The following ATAD3A variants were observed in gnomAD, a reference collection of about 807,000 sequenced individuals.
ATAD3A encodes the protein ATPase family AAA domain-containing protein 3A.
Under a neutral mutation model 73.8 loss-of-function variants are expected in ATAD3A, and 46 were observed. The observed-to-expected ratio is 0.62, with a 90% CI of 0.49 to 0.80. The LOEUF is 0.80. Among genes scored for constraint, ATAD3A ranks in the 30% least tolerant of loss-of-function variants. ATAD3A has a pLI of 0.00. For missense variants in ATAD3A, 705 were observed against 838.0 expected, an observed-to-expected ratio of 0.84 and a Z score of 1.96; for synonymous variants, 319 against 350.0, an observed-to-expected ratio of 0.91 and a Z score of 0.99.
intron 1 of ATAD3A, 121 bp downstream of exon 1, chr1:1,512,594 C>T: frequency 7.1e-7 from 1 of 1,406,468 alleles, no homozygotes; most frequent in Non-Finnish European, 9.4e-7. Flanking sequence ...AGACTGCGCC[C>T]CCGGAGCACC....
At chr1:1,525,573 C>T (rs1026690966) in intron 12 of ATAD3A, among the ~76,000 whole-genome samples, 29 of 152,084 alleles carry the variant, frequency 1.9e-4, no homozygotes, top group African/African-American at 6.8e-4. Context: ...CGCCACCACA[C>T]CTGGCTAATT....
chr1:1,530,697 C>T (rs1193098098), intron 15 of ATAD3A, among the ~76,000 whole-genome samples: 2 of 122,298 alleles, frequency 1.6e-5, no homozygotes, highest in South Asian at 2.7e-4. Flanking sequence ...GGCGTAGTGG[C>T]GGGCGCCTGT....
At chr1:1,528,387 G>T (rs560760849) in intron 14 of ATAD3A, among the ~76,000 whole-genome samples, 1 of 147,348 alleles carries the variant, frequency 6.8e-6, no homozygotes, top group South Asian at 2.1e-4. Context: ...GTCGGGATTC[G>T]AAGGAGTCTC....
rs1327039117 is a variant in ATAD3A at position 1,517,284 on chromosome 1, C to G, written c.283-27C>G. 1.9e-6 allele frequency: 3 copies of G among 1,547,412 alleles called. No individual in the cohort carries two copies. The highest frequency in any genetic ancestry group is 2.6e-6 in the Non-Finnish European group (3 of 1,146,790). On this transcript the variant is annotated intron_variant, in intron 2 of 15. Coordinates refer to ENST00000378756, the MANE Select transcript of ATAD3A (RefSeq NM_001170535.3). ...AGGCAGTGCCAGCCCTGAGCAAGTG[C>G]CAGCTGGTGAGTGCTGTGCTCTGCA... is the stretch of plus-strand genomic sequence containing the variant.
rs371557329 is a variant in ATAD3A at position 1,529,229 on chromosome 1, G to A, written c.1512G>A (p.Leu504=). ...TTGGGAACTCCTTCCCCAGGCGCCT[G>A]AAGCTGGCCCAGTTTGACTACGGGA... ...LKPATEGKQR[L]KLAQFDYGRK... Residue 504 remains leucine, a synonymous_variant, in exon 15 of 16, where the codon CTG becomes CTA. Coordinates refer to ENST00000378756, the MANE Select transcript of ATAD3A (RefSeq NM_001170535.3). 36 of 1,608,562 alleles carry A rather than the reference G, an allele frequency of 2.2e-5. No homozygotes were observed. In the African/African-American group the frequency reaches 4.5e-4, roughly 20 times the overall value.
chr1:1,518,140 C>T lies in ATAD3A; in HGVS notation c.444+365C>T, dbSNP rs1484709265. Among the ~76,000 whole-genome samples, 10 of 150,758 alleles carry T rather than the reference C, an allele frequency of 6.6e-5. No individual in the cohort carries two copies. The South Asian group carries it at 8.4e-4, about 13-fold the overall frequency. On this transcript the variant is annotated intron_variant, in intron 4 of 15. Coordinates refer to ENST00000378756, the MANE Select transcript of ATAD3A (RefSeq NM_001170535.3). ...ACACAGAGGCCTGCACTCACACACC[C>T]GCAAACATACCCCCACACAACACGG...
At chr1:1,532,535 T>A (rs2767466) in intron 15 of ATAD3A, among the ~76,000 whole-genome samples, 1 of 152,222 alleles carries the variant, frequency 6.6e-6, no homozygotes, top group Admixed American at 6.5e-5. Context: ...TGGACCCACC[T>A]GTGACTGGGT....
At position 1,520,734 on chromosome 1, in the gene ATAD3A, G is replaced by A. The variant is rs1162402192; in HGVS notation, c.750+117G>A. The A allele has an allele frequency of 6.6e-7, 1 of 1,513,152 alleles. No individual in the cohort carries two copies. The highest frequency in any genetic ancestry group is 9.0e-7 in the Non-Finnish European group (1 of 1,109,208). 93.7% of individuals were successfully genotyped at this position (1,513,152 alleles called of 1,614,324 possible). On this transcript the variant is annotated intron_variant, in intron 7 of 15. Coordinates refer to ENST00000378756, the MANE Select transcript of ATAD3A (RefSeq NM_001170535.3). The surrounding 1 kb of genome is among the most constrained non-coding windows in gnomAD (Gnocchi z 4.0). Reference sequence around the variant, plus strand: ...GCACAGCCCTGTAGCTCTCCCAGCAGGGAGGAAGCCCACGTTGTACCTGCT... The same window carrying A: ...GCACAGCCCTGTAGCTCTCCCAGCAAGGAGGAAGCCCACGTTGTACCTGCT...
chr1:1,513,425 C>G lies in ATAD3A; in HGVS notation c.205+952C>G, dbSNP rs1641260901. Among the ~76,000 whole-genome samples, 4 of 151,300 alleles carry G rather than the reference C, an allele frequency of 2.6e-5. No homozygotes were observed. In the South Asian group the frequency reaches 8.4e-4, roughly 32 times the overall value. On this transcript the variant is annotated intron_variant, in intron 1 of 15. Coordinates refer to ENST00000378756, the MANE Select transcript of ATAD3A (RefSeq NM_001170535.3). ...AGCCTCAGGCCGCCTCCCCATAGTG[C>G]AGACCTGTGCCTCTGAGTTGCTCCA...
At chr1:1,516,749 A>T (rs1570321463) in intron 2 of ATAD3A, among the ~76,000 whole-genome samples, 8 of 151,336 alleles carry the variant, frequency 5.3e-5, no homozygotes, top group Admixed American at 5.3e-4. Flanking sequence ...ACAGAGTCTT[A>T]GTCTGTCTTC....
chr1:1,529,474 C>T, intron 15 of ATAD3A, 143 bp downstream of exon 15: 1 of 1,450,990 alleles, frequency 6.9e-7, no homozygotes, highest in South Asian at 1.4e-5. Flanking sequence ...ACACAGGGCC[C>T]CCTGCCCCAG....
intron 12 of ATAD3A, among the ~76,000 whole-genome samples, chr1:1,526,178 G>A (rs1231939022): frequency 3.9e-5 from 6 of 151,944 alleles, no homozygotes; most frequent in East Asian, 3.9e-4. Context: ...GCGCCACCAC[G>A]CCTGGCTAAT....
chr1:1,516,794 C>T lies in ATAD3A; in HGVS notation c.283-517C>T, dbSNP rs573437204. Reference sequence around the variant, plus strand: ...GTGCAGTGGCGTGATCTCAGCTCACCGCAACCTCTACCTCCCGGGTTCAAC... The same window carrying T: ...GTGCAGTGGCGTGATCTCAGCTCACTGCAACCTCTACCTCCCGGGTTCAAC... On this transcript the variant is annotated intron_variant, in intron 2 of 15. Coordinates refer to ENST00000378756, the MANE Select transcript of ATAD3A (RefSeq NM_001170535.3). 7.9e-5 allele frequency among the ~76,000 whole-genome samples: 12 copies of T among 152,004 alleles called. No individual in the cohort carries two copies. In the South Asian group the frequency reaches 2.3e-3, roughly 29 times the overall value.
Position 1,534,402 on chromosome 1 carries a change from G to A in ATAD3A, c.*330G>A. On this transcript the variant is annotated 3_prime_UTR_variant, in exon 16 of 16. Transcript: ENST00000378756. ...CACTGTGAGGGTGGGTGCTGGCTGA[G>A]CCCCCGGGGCAGCAGGAGCCAGGCA... 7.6e-7 allele frequency: 1 copy of A among 1,311,950 alleles called. No individual in the cohort carries two copies. The highest frequency in any genetic ancestry group is 9.7e-7 in the Non-Finnish European group (1 of 1,027,486). The allele number at this position is 1,311,950 out of a possible 1,614,324, so 81.3% of individuals were successfully genotyped here.
At chr1:1,521,187 T>C (rs1240163117) in intron 7 of ATAD3A, among the ~76,000 whole-genome samples, 4 of 148,688 alleles carry the variant, frequency 2.7e-5, no homozygotes, top group Non-Finnish European at 5.9e-5. Context: ...TAGTCCCAGC[T>C]ACTCAAGAGG....
At position 1,517,743 on chromosome 1, in the gene ATAD3A, C is replaced by T. The variant is rs375517057; in HGVS notation, c.412C>T (p.Arg138Trp). 83 of 1,490,660 alleles carry T rather than the reference C, an allele frequency of 5.6e-5. No individual in the cohort carries two copies. The highest frequency in any genetic ancestry group is 2.1e-4 in the Middle Eastern group (1 of 4,700). The allele number at this position is 1,490,660 out of a possible 1,614,324, so 92.3% of individuals were successfully genotyped here. A position where few individuals can be genotyped will look rare whatever the true frequency, so the allele number is the denominator to read the frequency against. ...ARAQYQDKLARQRYEDQLKQQ... is the reference protein window; with the variant it reads ...ARAQYQDKLAWQRYEDQLKQQ... ...GGCCCAGTATCAAGACAAGCTGGCC[C>T]GGCAGCGCTACGAGGACCAACTGAA... is the stretch of plus-strand genomic sequence containing the variant. Residue 138 changes from arginine (R) to tryptophan (W), a missense_variant, in exon 4 of 16, where the codon CGG (arginine) becomes TGG (tryptophan). This residue lies in a region of ATAD3A where 7 missense variants were observed against 28.2 expected (regional missense o/e 0.25). Coordinates refer to ENST00000378756, the MANE Select transcript of ATAD3A (RefSeq NM_001170535.3).
Position 1,523,876 on chromosome 1 carries a change from C to A in ATAD3A, c.1001C>A (p.Ala334Glu). 6.2e-7 allele frequency: 1 copy of A among 1,614,006 alleles called. No homozygotes were observed. The highest frequency in any genetic ancestry group is 1.1e-5 in the South Asian group (1 of 91,084). ...LEARVRDIAI[A>E]TRNTKKNRSL... ...GCACGGGTGCGCGACATCGCCATAG[C>A]AACAAGGAACACCAAGAAGAACCGC... Residue 334 changes from alanine (A) to glutamate (E), a missense_variant, in exon 10 of 16, where the codon GCA becomes GAA. Transcript: ENST00000378756. The surrounding 1 kb of genome is among the most constrained non-coding windows in gnomAD (Gnocchi z 5.1).
intron 10 of ATAD3A, 50 bp downstream of exon 10, chr1:1,524,014 C>A (rs1641710402): frequency 1.2e-6 from 2 of 1,612,448 alleles, no homozygotes; most frequent in Non-Finnish European, 1.7e-6. Context: ...GGGGTCTCAC[C>A]TGCCTGCAGG....
rs539009318 is a variant in ATAD3A at position 1,523,512 on chromosome 1, T to A, written c.908T>A (p.Val303Asp). The A allele has an allele frequency of 1.2e-6, 2 of 1,611,788 alleles. No homozygotes were observed. The highest frequency in any genetic ancestry group is 1.7e-5 in the Admixed American group (1 of 59,860). The change falls in exon 9 of 16, where the codon GTC becomes GAC. Residue 303 changes from valine (V) to aspartate (D), a missense_variant and splice_region_variant. Val to Asp is a radical substitution (Grantham distance 152, BLOSUM62 -3). Around this residue, in one of 5 missense-constraint regions of ATAD3A, gnomAD observed 315 missense variants for 334.1 expected, o/e 0.94. Coordinates refer to ENST00000378756, the MANE Select transcript of ATAD3A (RefSeq NM_001170535.3). The surrounding 1 kb of genome is among the most constrained non-coding windows in gnomAD (Gnocchi z 5.1). ...GCGCTTCCCCTTCCCCTCCGGCAGG[T>A]CAGCCGGCGGCTCCTCAGTCGACCC... ...VLEALRHPIQ[V>D]SRRLLSRPQD...
Sources: allele counts gnomAD v4.1 joint callset (sites outside exome capture counted in the v4.1 genomes callset), GRCh38; gene constraint gnomAD v4.1.1; regional missense constraint gnomAD v4.1.1; non-coding constraint Gnocchi (gnomAD v3.1); transcripts MANE v1.5; gene names NCBI Gene and HGNC (gene_info 2026-07-23, HGNC 2026-07-21).